The following NBDY variants were observed in gnomAD, a reference collection of about 807,000 sequenced individuals.
The protein encoded by NBDY is negative regulator of P-body association.
chrX:56,746,226 G>T (rs2069557391), intron 2 of NBDY, among the ~76,000 whole-genome samples: 1 of 110,530 alleles, frequency 9.0e-6, no homozygotes, highest in Admixed American at 9.6e-5. Context: ...TTCATGTGCA[G>T]TCTCCTTAAG....
intron 2 of NBDY, among the ~76,000 whole-genome samples, chrX:56,750,367 G>GT (rs974380603): frequency 2.2e-4 from 24 of 110,483 alleles, no homozygotes; most frequent in South Asian, 3.8e-4. Context: ...TTTTTTCTGA[G>GT]TACCTCCTCA....
At chrX:56,737,427 G>A in intron 2 of NBDY, 1 of 653,660 alleles carries the variant, frequency 1.5e-6, no homozygotes, top group East Asian at 3.3e-5. Context: ...TTCTCAGGAA[G>A]CCTTCTTATG....
chrX:56,814,826 C>T (rs774624580), intron 2 of NBDY, among the ~76,000 whole-genome samples: 28 of 110,858 alleles, frequency 2.5e-4, no homozygotes, highest in African/African-American at 7.2e-4. Context: ...TCACCTTAGA[C>T]TCTTGATCAT....
intron 2 of NBDY, among the ~76,000 whole-genome samples, chrX:56,791,826 G>A (rs2069765189): frequency 2.4e-5 from 1 of 41,675 alleles, no homozygotes; most frequent in Non-Finnish European, 5.9e-5. Context: ...TCCTCTTCCA[G>A]TTCATCTTCT....
chrX:56,730,346 A>G (rs919096794), intron 1 of NBDY, among the ~76,000 whole-genome samples: 23 of 106,017 alleles, frequency 2.2e-4, no homozygotes, highest in African/African-American at 7.9e-4. Context: ...CCCCGTCTCT[A>G]CTAAAGTTAC....
intron 2 of NBDY, among the ~76,000 whole-genome samples, chrX:56,732,547 T>G (rs1379719839): frequency 9.0e-6 from 1 of 111,602 alleles, no homozygotes; most frequent in Non-Finnish European, 1.9e-5. Context: ...AATGTATAGA[T>G]TTTCTTGGAT....
intron 2 of NBDY, 129 bp downstream of exon 2, chrX:56,732,328 C>T (rs1245660112): frequency 3.6e-6 from 1 of 275,437 alleles, no homozygotes; most frequent in African/African-American, 2.8e-5. Flanking sequence ...CTATATTCTA[C>T]ATTATATGAA....
chrX:56,754,253 C>G (rs1458050141), intron 2 of NBDY, among the ~76,000 whole-genome samples: 6 of 111,220 alleles, frequency 5.4e-5, no homozygotes, highest in African/African-American at 2.0e-4. Context: ...ACTTAAATAC[C>G]TTACTTTCAA....
chrX:56,767,634 G>A (rs926783841), intron 2 of NBDY, among the ~76,000 whole-genome samples: 3 of 113,481 alleles, frequency 2.6e-5, no homozygotes, highest in African/African-American at 9.6e-5. Context: ...CTTAGCAACT[G>A]GGCCAGCAGC....
In NBDY at chrX:56,819,004, CA is replaced by C. The variant is rs2069923639; in HGVS notation, c.*1857del. ...TACATGCAAAAAAAAAACAAAAAAA[CA>C]AAAAACTTCCACCCCTACCTCATGC... On this transcript the variant is annotated 3_prime_UTR_variant, in exon 3 of 3. Coordinates refer to ENST00000374922, the MANE Select transcript of NBDY (RefSeq NM_001348129.2). 1 of 87,897 alleles carries C rather than the reference CA, an allele frequency of 1.1e-5. No individual in the cohort carries two copies. Among genetic ancestry groups the C allele is most frequent in the African/African-American group, 4.0e-5 (1 of 24,885 alleles). The allele number at this position is 87,897 out of a possible 1,213,427, so 7.2% of individuals were successfully genotyped here.
chrX:56,792,078 C>G (rs1212399546), intron 2 of NBDY, among the ~76,000 whole-genome samples: 1 of 110,148 alleles, frequency 9.1e-6, no homozygotes, highest in Non-Finnish European at 1.9e-5. Context: ...GAGACTGCTT[C>G]TTCTTTTGCT....
At chrX:56,788,455 C>A (rs1203599486) in intron 2 of NBDY, among the ~76,000 whole-genome samples, 1 of 112,607 alleles carries the variant, frequency 8.9e-6, no homozygotes, top group Non-Finnish European at 1.9e-5. Flanking sequence ...GAGAGAGGAG[C>A]TCCTCACTGG....
chrX:56,816,171 A>G (rs985741587), intron 2 of NBDY, among the ~76,000 whole-genome samples: 2 of 111,144 alleles, frequency 1.8e-5, no homozygotes, highest in African/African-American at 3.2e-5. Flanking sequence ...ACAGAAACAA[A>G]GCCTGATAGA....
chrX:56,753,330 C>T (rs2069594967), intron 2 of NBDY, among the ~76,000 whole-genome samples: 1 of 112,373 alleles, frequency 8.9e-6, no homozygotes, highest in Non-Finnish European at 1.9e-5. Flanking sequence ...TTGAATTAAA[C>T]TTACATTATA....
intron 2 of NBDY, among the ~76,000 whole-genome samples, chrX:56,787,419 A>G (rs1196468747): frequency 9.0e-6 from 1 of 111,160 alleles, no homozygotes; most frequent in Non-Finnish European, 1.9e-5. Flanking sequence ...GCTACCCACA[A>G]TCTCTTCCAC....
chrX:56,783,685 A>T (rs1374671199), intron 2 of NBDY, among the ~76,000 whole-genome samples: 1 of 112,658 alleles, frequency 8.9e-6, no homozygotes, highest in Admixed American at 9.3e-5. Context: ...GCCTGGCAGA[A>T]GGCAAGTGTC....
At chrX:56,797,120 T>TTTC (rs1222696632) in intron 2 of NBDY, among the ~76,000 whole-genome samples, 2 of 108,637 alleles carry the variant, frequency 1.8e-5, no homozygotes, top group Admixed American at 2.0e-4. Flanking sequence ...CCTCTTCTTC[T>TTTC]TTCTTCTTCT....
chrX:56,813,484 A>C (rs758547967), intron 2 of NBDY, among the ~76,000 whole-genome samples: 1 of 111,049 alleles, frequency 9.0e-6, no homozygotes, highest in African/African-American at 3.3e-5. Context: ...AGACACACCC[A>C]CACACGCACT....
chrX:56,759,292 G>A (rs956705946), intron 2 of NBDY, among the ~76,000 whole-genome samples: 1 of 112,017 alleles, frequency 8.9e-6, no homozygotes, highest in Non-Finnish European at 1.9e-5. Context: ...TGGTGTCCCA[G>A]TGGCCATGAT....
Sources: gnomAD v4.1 joint callset for allele counts (sites outside exome capture counted in the v4.1 genomes callset) on GRCh38, gnomAD v4.1.1 for gene constraint, MANE v1.5 for transcripts, NCBI Gene and HGNC (gene_info 2026-07-23, HGNC 2026-07-21) for gene names.